Variants in SERGEF observed in about 807,000 individuals in gnomAD.
The protein encoded by SERGEF is secretion regulating guanine nucleotide exchange factor.
In SERGEF, 51 loss-of-function variants were observed where a neutral mutation model predicts 50.0. That is an observed-to-expected ratio of 1.02 (90% CI 0.81 to 1.29). The LOEUF (loss-of-function observed/expected upper bound fraction) is 1.29. SERGEF is among the 50% of genes most tolerant of loss of function. SERGEF has a pLI of 0.00. For synonymous variants in SERGEF, 205 were observed against 212.4 expected (o/e 0.97, Z 0.30); for missense variants, 521 against 557.0 (o/e 0.94, Z 0.65).
chr11:17,983,908 G>A (rs1332138843), intron 8 of SERGEF, among the ~76,000 whole-genome samples: 1 of 152,012 alleles, frequency 6.6e-6, no homozygotes, highest in East Asian at 1.9e-4. Context: ...AATATCAGGT[G>A]CAAAGGCACT....
chr11:17,901,747 A>G (rs1262802563), intron 9 of SERGEF, among the ~76,000 whole-genome samples: 3 of 152,328 alleles, frequency 2.0e-5, no homozygotes, highest in Non-Finnish European at 4.4e-5. Context: ...TGACAGCACC[A>G]TAACTACAGT....
chr11:18,004,658 A>G, intron 3 of SERGEF, 123 bp from the exon 4 acceptor site: 1 of 670,802 alleles, frequency 1.5e-6, no homozygotes, highest in Non-Finnish European at 2.6e-6. Flanking sequence ...CATTCAGACC[A>G]TATTCCCTGC....
chr11:17,994,010 AT>A (rs1306517087), intron 6 of SERGEF, among the ~76,000 whole-genome samples: 2 of 152,166 alleles, frequency 1.3e-5, no homozygotes, highest in Non-Finnish European at 1.5e-5. Flanking sequence ...AATAAAAAAC[AT>A]TTTTTCCCTC....
chr11:17,968,378 C>T (rs1234554210), intron 8 of SERGEF, among the ~76,000 whole-genome samples: 1 of 152,166 alleles, frequency 6.6e-6, no homozygotes, highest in Middle Eastern at 3.2e-3. Context: ...TTCTATACAC[C>T]AGGTGCTGTC....
chr11:18,000,626 C>G (rs1375082718), intron 4 of SERGEF, 69 bp from the exon 5 acceptor site: 1 of 1,117,008 alleles, frequency 9.0e-7, no homozygotes, highest in African/African-American at 1.6e-5. Flanking sequence ...TAATTTATAC[C>G]AAATACAATG....
chr11:17,877,706 C>T (rs764286165), intron 10 of SERGEF: 31 of 153,382 alleles, frequency 2.0e-4, no homozygotes, highest in Admixed American at 5.2e-4. Context: ...CTATGATTAT[C>T]CAGGGCCAAC....
At chr11:17,965,740 G>C (rs1218227879) in intron 8 of SERGEF, among the ~76,000 whole-genome samples, 2 of 152,156 alleles carry the variant, frequency 1.3e-5, no homozygotes, top group African/African-American at 4.8e-5. Context: ...TCTGCTGCCT[G>C]AATGAACAAT....
chr11:17,978,990 T>C (rs1027778678), intron 8 of SERGEF, among the ~76,000 whole-genome samples: 2 of 152,156 alleles, frequency 1.3e-5, no homozygotes, highest in African/African-American at 4.8e-5. Flanking sequence ...GATCAATGGG[T>C]ATTCACAGCC....
At chr11:18,000,465 TA>T in intron 5 of SERGEF, 31 bp downstream of exon 5, 1 of 1,466,366 alleles carries the variant, frequency 6.8e-7, no homozygotes, top group Non-Finnish European at 9.3e-7. Context: ...GTATTAAAAA[TA>T]AAAATAAAAA....
intron 1 of SERGEF, 67 bp from the exon 2 acceptor site, chr11:18,008,143 C>A: frequency 6.8e-7 from 1 of 1,464,148 alleles, no homozygotes; most frequent in Non-Finnish European, 9.4e-7. Context: ...ATTTACCTGT[C>A]TCTGTCTCTC....
intron 9 of SERGEF, among the ~76,000 whole-genome samples, chr11:17,906,887 A>T (rs1487586661): frequency 1.3e-5 from 2 of 151,898 alleles, no homozygotes; most frequent in Non-Finnish European, 2.9e-5. Context: ...ATCTTATGAA[A>T]CTGAATGTGG....
At chr11:17,980,937 A>G (rs1398717276) in intron 8 of SERGEF, among the ~76,000 whole-genome samples, 1 of 152,222 alleles carries the variant, frequency 6.6e-6, no homozygotes, top group Non-Finnish European at 1.5e-5. Context: ...TATTGGCCAG[A>G]TGGAAGAAAG....
At chr11:17,895,657 T>A (rs1851605878) in intron 9 of SERGEF, among the ~76,000 whole-genome samples, 1 of 152,180 alleles carries the variant, frequency 6.6e-6, no homozygotes, top group Non-Finnish European at 1.5e-5. Context: ...ACATAATAAT[T>A]TTTAAATAAA....
intron 10 of SERGEF, among the ~76,000 whole-genome samples, chr11:17,811,862 C>A (rs1369709770): frequency 6.6e-6 from 1 of 152,212 alleles, no homozygotes; most frequent in East Asian, 1.9e-4. Flanking sequence ...GCAGGGTCCA[C>A]CACAGATGTA....
chr11:17,929,038 T>G (rs1204820129), intron 9 of SERGEF, among the ~76,000 whole-genome samples: 4 of 152,240 alleles, frequency 2.6e-5, no homozygotes, highest in Non-Finnish European at 4.4e-5. Context: ...TATTTCTCTA[T>G]GTCATAAACT....
chr11:17,940,932 G>A (rs1396475519), intron 9 of SERGEF, among the ~76,000 whole-genome samples: 4 of 152,104 alleles, frequency 2.6e-5, no homozygotes, highest in African/African-American at 9.7e-5. Context: ...CTCACAATTT[G>A]GTTTCTCCAC....
intron 10 of SERGEF, among the ~76,000 whole-genome samples, chr11:17,801,143 C>T (rs570031069): frequency 1.7e-4 from 25 of 145,972 alleles, no homozygotes; most frequent in East Asian, 1.2e-3. Context: ...TGCAGTGAGC[C>T]GAGATAGCGC....
chr11:17,912,480 C>T (rs543925220), intron 9 of SERGEF, among the ~76,000 whole-genome samples: 1 of 152,064 alleles, frequency 6.6e-6, no homozygotes, highest in Non-Finnish European at 1.5e-5. Flanking sequence ...CTGGGTGAAG[C>T]GTATATAGGA....
At chr11:17,997,772 G>A (rs1853868490) in intron 5 of SERGEF, among the ~76,000 whole-genome samples, 1 of 152,166 alleles carries the variant, frequency 6.6e-6, no homozygotes, top group Admixed American at 6.5e-5. Context: ...ATATACGCCA[G>A]TCACAAAAAA....
Sources: allele counts gnomAD v4.1 joint callset (sites outside exome capture counted in the v4.1 genomes callset), GRCh38; gene constraint gnomAD v4.1.1; transcripts MANE v1.5; gene names NCBI Gene and HGNC (gene_info 2026-07-23, HGNC 2026-07-21).